DTHD1: variants seen among roughly 807,000 people sequenced by gnomAD.
DTHD1 encodes the protein death domain containing 1.
In DTHD1, 59 loss-of-function variants were observed where a neutral mutation model predicts 74.8. The observed-to-expected ratio is 0.79, with a 90% CI of 0.64 to 0.98. The LOEUF is 0.98. DTHD1 is among the 50% of genes least tolerant of loss of function. The pLI, the probability that DTHD1 is intolerant of heterozygous loss-of-function variation, is 0.00. For synonymous variants in DTHD1, 365 were observed against 371.1 expected (o/e 0.98, Z 0.19); for missense variants, 1,051 against 1,065.4 (o/e 0.99, Z 0.19).
intron 7 of DTHD1, among the ~76,000 whole-genome samples, chr4:36,313,425 A>AG: frequency 6.6e-6 from 1 of 151,642 alleles, no homozygotes; most frequent in Non-Finnish European, 1.5e-5. Context: ...AGGAAAAAAA[A>AG]AAAAAAACAG....
intron 7 of DTHD1, 84 bp from the exon 8 acceptor site, chr4:36,316,158 A>G (rs907185482): frequency 6.9e-6 from 9 of 1,303,564 alleles, no homozygotes; most frequent in South Asian, 1.5e-5. Context: ...GATGGTCTCG[A>G]TCTCCTGACC....
rs1759570473 is a variant in DTHD1, at chr4:36,346,114, C to G, written c.*2290C>G. ...ATACATAAATACATGTGCACACACACACACCCCTCACACACATATAGTTTC... is the reference window on the plus strand; with the variant it reads ...ATACATAAATACATGTGCACACACAGACACCCCTCACACACATATAGTTTC... On this transcript the variant is annotated 3_prime_UTR_variant, in exon 10 of 10. Coordinates refer to ENST00000639862, the MANE Select transcript of DTHD1 (RefSeq NM_001170700.3). 6.6e-6 allele frequency among the ~76,000 whole-genome samples: 1 copy of G among 152,068 alleles called. No homozygotes were observed. Among genetic ancestry groups the G allele is most frequent in the Non-Finnish European group, 1.5e-5 (1 of 67,996 alleles).
intron 2 of DTHD1, among the ~76,000 whole-genome samples, chr4:36,286,586 T>A (rs1755725999): frequency 6.6e-6 from 1 of 152,242 alleles, no homozygotes. Flanking sequence ...TAAACCAATG[T>A]GATTACAGTC....
chr4:36,292,260 G>T (rs1281026033), intron 3 of DTHD1, among the ~76,000 whole-genome samples: 1 of 152,064 alleles, frequency 6.6e-6, no homozygotes, highest in African/African-American at 2.4e-5. Context: ...TAGCCCACTT[G>T]TCACAAAATG....
intron 5 of DTHD1, among the ~76,000 whole-genome samples, chr4:36,299,297 C>G (rs2109475737): frequency 6.6e-6 from 1 of 152,114 alleles, no homozygotes; most frequent in East Asian, 1.9e-4. Flanking sequence ...CACCTACCAC[C>G]TTTGATATAA....
chr4:36,288,167 C>T (rs1284663334), intron 2 of DTHD1, among the ~76,000 whole-genome samples: 3 of 152,164 alleles, frequency 2.0e-5, no homozygotes, highest in Non-Finnish European at 4.4e-5. Context: ...GGCACGATCT[C>T]AGCTCACTGC....
rs977718667 is a variant in DTHD1, at chr4:36,344,785, A to T, written c.*961A>T. The T allele has an allele frequency of 6.6e-6, 1 of 152,172 alleles. No homozygotes were observed. Among genetic ancestry groups the T allele is most frequent in the Non-Finnish European group, 1.5e-5 (1 of 68,040 alleles). 9.4% of individuals were successfully genotyped at this position (152,172 alleles called of 1,614,324 possible). ...CTTGGCTGAGAGAAGGGGCTTGTTCAGATAGTTGGGAGACTTAGAATTTTA... is the reference window on the plus strand; with the variant it reads ...CTTGGCTGAGAGAAGGGGCTTGTTCTGATAGTTGGGAGACTTAGAATTTTA... On this transcript the variant is annotated 3_prime_UTR_variant, in exon 10 of 10. Coordinates refer to ENST00000639862, the MANE Select transcript of DTHD1 (RefSeq NM_001170700.3).
rs1225064311 is a variant in DTHD1, at chr4:36,284,106, G to C, written c.402G>C (p.Gln134His). 1 of 1,537,202 alleles carries C rather than the reference G, an allele frequency of 6.5e-7. No homozygotes were observed. Among genetic ancestry groups the C allele is most frequent in the African/African-American group, 1.4e-5 (1 of 73,146 alleles). The change falls in exon 2 of 10, where the codon CAG becomes CAC. Residue 134 changes from glutamine (Q) to histidine (H), a missense_variant. Coordinates refer to ENST00000639862, the MANE Select transcript of DTHD1 (RefSeq NM_001170700.3). ...CGMHDECTPQ[Q>H]TMSSIQDTKA... Reference sequence around the variant, plus strand: ...TGCATGATGAATGTACTCCACAGCAGACAATGTCCTCCATTCAAGATACCA... The same window carrying C: ...TGCATGATGAATGTACTCCACAGCACACAATGTCCTCCATTCAAGATACCA...
At chr4:36,290,341 T>C (rs1287602697) in intron 2 of DTHD1, 32 bp from the exon 3 acceptor site, 3 of 1,516,416 alleles carry the variant, frequency 2.0e-6, no homozygotes, top group African/African-American at 1.4e-5. Flanking sequence ...AATCAAATAA[T>C]TGGAAAAATG....
rs991741810 is a variant in DTHD1 at position 36,282,021 on chromosome 4, C to T, written c.263C>T (p.Ser88Leu). 3.4e-5 allele frequency: 52 copies of T among 1,521,312 alleles called. No homozygotes were observed. The highest frequency in any genetic ancestry group is 1.0e-4 in the East Asian group (4 of 40,070). The allele number at this position is 1,521,312 out of a possible 1,614,324, so 94.2% of individuals were successfully genotyped here. The change falls in exon 1 of 10, where the codon TCG becomes TTG. Residue 88 changes from serine (S) to leucine (L), a missense_variant. By Grantham distance (145) the Ser-to-Leu change is moderately radical. Coordinates refer to ENST00000639862, the MANE Select transcript of DTHD1 (RefSeq NM_001170700.3). ...CTTGACAAAGAGAATCAATGTGTCT[C>T]GAGAAAAGGCAAGTATTCTTTTTTT... ...VLLDKENQCV[S>L]RKEIITFIDC...
rs542690773 is a variant in DTHD1 at position 36,308,480 on chromosome 4, C to T, written c.2082C>T (p.Asn694=). The change falls in exon 7 of 10, where the codon AAC becomes AAT. Residue 694 remains asparagine, a synonymous_variant. Transcript: ENST00000639862. ...GEQLLLRFTG[N]IFASSNGKDY... ...AACTTCTTTTAAGATTTACTGGAAA[C>T]ATATTTGCTTCAAGTAAGTATAAAG... 503 of 1,550,386 alleles carry T rather than the reference C, an allele frequency of 3.2e-4. No individual in the cohort carries two copies. Among genetic ancestry groups the T allele is most frequent in the Middle Eastern group, 5.0e-4 (3 of 5,988 alleles).
intron 8 of DTHD1, among the ~76,000 whole-genome samples, chr4:36,334,292 C>T (rs1236541119): frequency 2.6e-5 from 4 of 151,904 alleles, no homozygotes; most frequent in African/African-American, 9.7e-5. Flanking sequence ...TTTTTTGCCC[C>T]TTTCTCAAGG....
At chr4:36,293,194 T>G (rs529527799) in intron 3 of DTHD1, among the ~76,000 whole-genome samples, 121 of 152,364 alleles carry the variant, frequency 7.9e-4, no homozygotes, top group Admixed American at 3.3e-3. Flanking sequence ...CGATTCTCGC[T>G]AATGGAGGCT....
rs1357539646 is a variant in DTHD1, at chr4:36,345,535, G to T, written c.*1711G>T. 1 of 151,982 alleles carries T rather than the reference G, an allele frequency of 6.6e-6. No homozygotes were observed. Among genetic ancestry groups the T allele is most frequent in the African/African-American group, 2.4e-5 (1 of 41,384 alleles). The allele number at this position is 151,982 out of a possible 1,614,324, so 9.4% of individuals were successfully genotyped here. On this transcript the variant is annotated 3_prime_UTR_variant, in exon 10 of 10. Coordinates refer to ENST00000639862, the MANE Select transcript of DTHD1 (RefSeq NM_001170700.3). ...GACTTCCTTCTACAAATTAACCAGG[G>T]ATTTAGATATCTATTCAGGTATATA... is the stretch of plus-strand genomic sequence containing the variant.
intron 8 of DTHD1, among the ~76,000 whole-genome samples, chr4:36,328,390 A>T (rs1758472884): frequency 6.6e-6 from 1 of 152,348 alleles, no homozygotes. Context: ...TAATTATAAG[A>T]AAGTTCACGA....
intron 8 of DTHD1, among the ~76,000 whole-genome samples, chr4:36,330,276 G>T (rs962333792): frequency 6.6e-6 from 1 of 152,192 alleles, no homozygotes; most frequent in East Asian, 1.9e-4. Flanking sequence ...AGTGCCAGAG[G>T]TACTGAAGTG....
At chr4:36,327,981 G>GA (rs1216289319) in intron 8 of DTHD1, among the ~76,000 whole-genome samples, 1 of 151,840 alleles carries the variant, frequency 6.6e-6, no homozygotes, top group Non-Finnish European at 1.5e-5. Flanking sequence ...CCCTCCCCTT[G>GA]AAAAAACTAT....
rs1230584111 is a variant in DTHD1, at chr4:36,283,997, G to T, written c.293G>T (p.Cys98Phe). 4 of 1,535,174 alleles carry T rather than the reference G, an allele frequency of 2.6e-6. No individual in the cohort carries two copies. In the South Asian group the frequency reaches 4.8e-5, roughly 18 times the overall value. Residue 98 changes from cysteine to phenylalanine, a missense_variant, in exon 2 of 10, where the codon TGC (cysteine) becomes TTC (phenylalanine). Coordinates refer to ENST00000639862, the MANE Select transcript of DTHD1 (RefSeq NM_001170700.3). ...GTAGAAATCATTACTTTCATAGACT[G>T]CCTCATAAAAATAACTGAACATTTG... ...SRKEIITFID[C>F]LIKITEHLGS...
chr4:36,335,977 A>C (rs904032823), intron 8 of DTHD1, among the ~76,000 whole-genome samples: 2 of 152,196 alleles, frequency 1.3e-5, no homozygotes, highest in African/African-American at 4.8e-5. Flanking sequence ...CAATTTTTTA[A>C]ATGACTTCTA....
Sources: gnomAD v4.1 joint callset for allele counts (sites outside exome capture counted in the v4.1 genomes callset) on GRCh38, gnomAD v4.1.1 for gene constraint, MANE v1.5 for transcripts, NCBI Gene and HGNC (gene_info 2026-07-23, HGNC 2026-07-21) for gene names.